CFAP20DC: variants seen among roughly 807,000 people sequenced by gnomAD.
CFAP20DC encodes protein CFAP20DC.
In CFAP20DC, 84 loss-of-function variants were observed where a neutral mutation model predicts 101.7. That is an observed-to-expected ratio of 0.83 (90% CI 0.69 to 0.99). The LOEUF is 0.99. Among genes scored for constraint, CFAP20DC ranks in the 50% least tolerant of loss-of-function variants. The pLI is 0.00. For missense variants in CFAP20DC, 1,007 were observed against 970.3 expected (o/e 1.04, Z -0.50); for synonymous variants, 359 against 351.2 (o/e 1.02, Z -0.25).
chr3:59,017,440 C>T (rs1294757014), intron 4 of CFAP20DC: 2 of 152,074 alleles, frequency 1.3e-5, no homozygotes, highest in Non-Finnish European at 2.9e-5. Context: ...CTAGTCCCAC[C>T]CCACAACTTT....
chr3:58,929,077 G>T (rs1419883958), intron 5 of CFAP20DC, among the ~76,000 whole-genome samples: 1 of 152,064 alleles, frequency 6.6e-6, no homozygotes, highest in Non-Finnish European at 1.5e-5. Context: ...TACACACCCA[G>T]CACTGTAAAC....
At chr3:58,993,868 T>C (rs113814367) in intron 4 of CFAP20DC, among the ~76,000 whole-genome samples, 6,603 of 152,322 alleles carry the variant, frequency 0.043, 184 homozygotes, top group Middle Eastern at 0.075. Context: ...GTCTTTGTTA[T>C]TGTGAATAGT....
Position 58,971,873 on chromosome 3 carries a change from A to C in CFAP20DC, c.279-34111T>G, listed in dbSNP as rs567231029. ...CATACACACGCACACATACACACAC[A>C]CACACACACACACACACACAATTAA... is the stretch of plus-strand genomic sequence containing the variant. On this transcript the variant is annotated intron_variant, in intron 4 of 16. Transcript: ENST00000482387. This position sits in a 1 kb window ranked among gnomAD's most constrained non-coding sequence, Gnocchi z 4.1. Among the ~76,000 whole-genome samples the C allele has an allele frequency of 6.6e-6, 1 of 151,878 alleles. No homozygotes were observed. Among genetic ancestry groups the C allele is most frequent in the African/African-American group, 2.4e-5 (1 of 41,412 alleles).
At position 58,924,925 on chromosome 3, in the gene CFAP20DC, T is replaced by C. The variant is rs2085784624; in HGVS notation, c.394-11061A>G. 3.9e-5 allele frequency among the ~76,000 whole-genome samples: 6 copies of C among 152,014 alleles called. No homozygotes were observed. In the South Asian group the frequency reaches 1.2e-3, roughly 32 times the overall value. ...CATAGCTCACTTTTTAATGGGGTTA[T>C]TTGTTTTTTTCTTGTTATCTGAGAT... On this transcript the variant is annotated intron_variant, in intron 5 of 16. Coordinates refer to ENST00000482387, the MANE Select transcript of CFAP20DC (RefSeq NM_001394063.1).
chr3:58,929,024 A>C (rs1337537010), intron 5 of CFAP20DC, among the ~76,000 whole-genome samples: 1 of 152,176 alleles, frequency 6.6e-6, no homozygotes, highest in Non-Finnish European at 1.5e-5. Flanking sequence ...TACCTATTAT[A>C]GCTCCTTTCT....
chr3:59,035,051 C>A (rs1347785788), intron 4 of CFAP20DC, among the ~76,000 whole-genome samples: 3 of 152,158 alleles, frequency 2.0e-5, no homozygotes. Flanking sequence ...CTCAAAACCC[C>A]ACAACTACAT....
chr3:59,041,549 C>A (rs937103333), intron 3 of CFAP20DC, among the ~76,000 whole-genome samples: 2 of 151,992 alleles, frequency 1.3e-5, no homozygotes, highest in Non-Finnish European at 2.9e-5. Context: ...TTCATGTCTA[C>A]ATTATATTTA....
At chr3:58,817,815 A>G (rs575331972) in intron 14 of CFAP20DC, among the ~76,000 whole-genome samples, 1 of 152,280 alleles carries the variant, frequency 6.6e-6, no homozygotes, top group South Asian at 2.1e-4. Context: ...CCTCAAGAAG[A>G]GCAACTTCAA....
At chr3:58,920,576 C>A (rs1249509299) in intron 5 of CFAP20DC, among the ~76,000 whole-genome samples, 1 of 152,076 alleles carries the variant, frequency 6.6e-6, no homozygotes, top group East Asian at 1.9e-4. Flanking sequence ...CAAATAATTT[C>A]TCTGTATCTA....
chr3:58,807,214 G>A (rs531571384), intron 14 of CFAP20DC, among the ~76,000 whole-genome samples: 3 of 152,184 alleles, frequency 2.0e-5, no homozygotes, highest in Non-Finnish European at 4.4e-5. Context: ...AGAGAGCAGT[G>A]GTTCTCCCAG....
chr3:58,889,915 A>G (rs2082007662), intron 6 of CFAP20DC, among the ~76,000 whole-genome samples: 1 of 128,596 alleles, frequency 7.8e-6, no homozygotes. Flanking sequence ...AATTTTTCTT[A>G]GTGCAGAACA....
At chr3:59,008,677 A>C (rs2093500816) in intron 4 of CFAP20DC, among the ~76,000 whole-genome samples, 1 of 151,368 alleles carries the variant, frequency 6.6e-6, no homozygotes. Context: ...ACATGGACAC[A>C]GGAAGGGGAA....
rs140535137 is a variant in CFAP20DC, at chr3:58,803,430, A to G, written c.2237+2965T>C. On this transcript the variant is annotated intron_variant, in intron 15 of 16. Transcript: ENST00000482387. ...TTATATTTTTTCATATTAATTATCA[A>G]TATCCCTTAAATTTAAAGTTCTATA... Among the ~76,000 whole-genome samples, 4 of 152,356 alleles carry G rather than the reference A, an allele frequency of 2.6e-5. No individual in the cohort carries two copies. The East Asian group carries it at 7.7e-4, about 29-fold the overall frequency.
intron 4 of CFAP20DC, among the ~76,000 whole-genome samples, chr3:58,960,150 C>T (rs566130731): frequency 6.6e-6 from 1 of 152,238 alleles, no homozygotes; most frequent in Non-Finnish European, 1.5e-5. Flanking sequence ...ATTTGTGTCT[C>T]CTCTCTTATT....
intron 15 of CFAP20DC, among the ~76,000 whole-genome samples, chr3:58,771,774 T>C (rs2070870758): frequency 6.6e-6 from 1 of 152,124 alleles, no homozygotes; most frequent in South Asian, 2.1e-4. Flanking sequence ...GTTTTCCCCA[T>C]ACATTTCTTA....
chr3:58,941,729 C>T (rs558423898), intron 4 of CFAP20DC, among the ~76,000 whole-genome samples: 99 of 152,104 alleles, frequency 6.5e-4, no homozygotes, highest in Middle Eastern at 3.4e-3. Flanking sequence ...CCACTGCCCT[C>T]GGCTAATTTT....
intron 4 of CFAP20DC, among the ~76,000 whole-genome samples, chr3:59,000,385 T>C (rs2093275191): frequency 6.6e-6 from 1 of 152,168 alleles, no homozygotes; most frequent in South Asian, 2.1e-4. Context: ...AGTCAAAATC[T>C]TTAGCAGTCG....
In CFAP20DC at chr3:58,815,477, G is replaced by T. The variant is rs1378427421; in HGVS notation, c.2176-9021C>A. On this transcript the variant is annotated intron_variant, in intron 14 of 16. Transcript: ENST00000482387. ...GGACTTCATGTCTAAAACACCAAAA[G>T]CAATGGCAACAAAAGCCAAAATTGA... Among the ~76,000 whole-genome samples, 6 of 149,462 alleles carry T rather than the reference G, an allele frequency of 4.0e-5. No homozygotes were observed. The East Asian group carries it at 7.8e-4, about 20-fold the overall frequency.
At chr3:58,752,740 G>A (rs2068660433) in intron 16 of CFAP20DC, among the ~76,000 whole-genome samples, 1 of 151,918 alleles carries the variant, frequency 6.6e-6, no homozygotes, top group Non-Finnish European at 1.5e-5. Context: ...CCATCCCTTG[G>A]GCGGCCAAAA....
Sources: allele counts gnomAD v4.1 joint callset (sites outside exome capture counted in the v4.1 genomes callset), GRCh38; gene constraint gnomAD v4.1.1; non-coding constraint Gnocchi (gnomAD v3.1); transcripts MANE v1.5; gene names NCBI Gene and HGNC (gene_info 2026-07-23, HGNC 2026-07-21).